The following MAST2 variants were observed in gnomAD, a reference collection of about 807,000 sequenced individuals.
MAST2 encodes the protein microtubule associated serine/threonine kinase 2.
Under a neutral mutation model 147.4 loss-of-function variants are expected in MAST2, and 70 were observed. That is an observed-to-expected ratio of 0.47 (90% CI 0.39 to 0.58). MAST2 has a LOEUF of 0.58. Among genes scored for constraint, MAST2 ranks in the 20% least tolerant of loss-of-function variants. The pLI is 0.00. For synonymous variants in MAST2, 869 were observed against 896.8 expected, an observed-to-expected ratio of 0.97 and a Z score of 0.55; for missense variants, 2,080 against 2,302.3, an observed-to-expected ratio of 0.90 and a Z score of 1.98.
chr1:45,938,256 T>G (rs1002414428), intron 4 of MAST2, among the ~76,000 whole-genome samples: 1 of 152,234 alleles, frequency 6.6e-6, no homozygotes, highest in Non-Finnish European at 1.5e-5. Flanking sequence ...CATGCATATC[T>G]TTGTGTGGAC....
At chr1:46,005,835 A>G (rs577683721) in intron 7 of MAST2, among the ~76,000 whole-genome samples, 1 of 152,282 alleles carries the variant, frequency 6.6e-6, no homozygotes, top group African/African-American at 2.4e-5. Flanking sequence ...ATAGCAGCCA[A>G]AAGGAAACAT....
In MAST2 at chr1:45,968,062, T is replaced by C. The variant is rs996682424; in HGVS notation, c.592+8585T>C. ...CAACATGAACCTCACAGGAAATGCT[T>C]GTTGGAGCCTTTTAGATTTTGGGCT... On this transcript the variant is annotated intron_variant, in intron 5 of 28. Transcript: ENST00000361297. Among the ~76,000 whole-genome samples, 4 of 152,210 alleles carry C rather than the reference T, an allele frequency of 2.6e-5. No homozygotes were observed. In the East Asian group the frequency reaches 7.7e-4, roughly 29 times the overall value.
chr1:45,860,338 C>T (rs1418925508), intron 3 of MAST2, among the ~76,000 whole-genome samples: 2 of 146,630 alleles, frequency 1.4e-5, no homozygotes, highest in Non-Finnish European at 3.0e-5. Flanking sequence ...GAGCCAAGAT[C>T]ATGCCACTGC....
chr1:46,018,782 G>C (rs1340552646), intron 10 of MAST2, among the ~76,000 whole-genome samples: 2 of 152,142 alleles, frequency 1.3e-5, no homozygotes, highest in East Asian at 3.9e-4. Flanking sequence ...CTAGAAACCA[G>C]AGCAGTTCTC....
intron 3 of MAST2, among the ~76,000 whole-genome samples, chr1:45,850,790 A>G (rs927086690): frequency 7.3e-6 from 1 of 136,812 alleles, no homozygotes; most frequent in African/African-American, 2.8e-5. Context: ...TGGGTTCTCT[A>G]TTCTGTTCTA....
At chr1:45,834,600 T>G (rs1306513603) in intron 3 of MAST2, among the ~76,000 whole-genome samples, 1 of 152,186 alleles carries the variant, frequency 6.6e-6, no homozygotes, top group African/African-American at 2.4e-5. Flanking sequence ...TGTTCAAGAT[T>G]AGTTATTATT....
chr1:45,886,875 G>A (rs544810367), intron 4 of MAST2, among the ~76,000 whole-genome samples: 111 of 151,784 alleles, frequency 7.3e-4, no homozygotes, highest in Non-Finnish European at 1.5e-3. Context: ...AGCCTAGGCT[G>A]GAGTGCAGTG....
At position 45,825,439 on chromosome 1, in the gene MAST2, C is replaced by CT. The variant is rs34084411; in HGVS notation, c.325+870dup. 2.1e-3 allele frequency among the ~76,000 whole-genome samples: 309 copies of CT among 145,106 alleles called. 1 individual carries two copies. The Middle Eastern group carries it at 0.038, about 18-fold the overall frequency. On this transcript the variant is annotated intron_variant, in intron 2 of 28. Transcript: ENST00000361297. ...TTTTAAAAGGATGCGATTATCTTCT[C>CT]TTTTTTTTTTTGAGACAGAGTCTCA...
intron 5 of MAST2, among the ~76,000 whole-genome samples, chr1:45,968,028 T>C (rs1407606395): frequency 6.6e-6 from 1 of 152,192 alleles, no homozygotes; most frequent in African/African-American, 2.4e-5. Context: ...TGCAAAACTT[T>C]TTAAGCACCA....
At chr1:45,973,505 A>T (rs1352590494) in intron 5 of MAST2, among the ~76,000 whole-genome samples, 1 of 152,204 alleles carries the variant, frequency 6.6e-6, no homozygotes, top group Non-Finnish European at 1.5e-5. Context: ...TGAATAATTC[A>T]GTATGTTTGT....
chr1:45,815,213 A>G (rs1644416691), intron 1 of MAST2, among the ~76,000 whole-genome samples: 1 of 148,542 alleles, frequency 6.7e-6, no homozygotes, highest in Non-Finnish European at 1.5e-5. Flanking sequence ...ACTGTCTCCC[A>G]GTCTGGAGTG....
intron 5 of MAST2, among the ~76,000 whole-genome samples, chr1:45,982,139 G>A (rs551839148): frequency 3.3e-5 from 5 of 152,228 alleles, no homozygotes; most frequent in Non-Finnish European, 5.9e-5. Flanking sequence ...GTGAGCCACC[G>A]CGCCCGGCTG....
rs10449768 is a variant in MAST2 at position 46,014,950 on chromosome 1, A to C, written c.1188+4011A>C. 6.6e-3 allele frequency among the ~76,000 whole-genome samples: 1,006 copies of C among 152,204 alleles called. 12 individuals carry two copies. Among genetic ancestry groups the C allele is most frequent in the African/African-American group, 0.023 (971 of 41,522 alleles). ...GTAAAGCTCTCCTCAGCAAATGTAA[A>C]AGAACAGAAATTATAACAAACTGTC... On this transcript the variant is annotated intron_variant, in intron 10 of 28. Transcript: ENST00000361297.
intron 5 of MAST2, among the ~76,000 whole-genome samples, chr1:45,988,637 C>T (rs1644741886): frequency 6.6e-6 from 1 of 152,218 alleles, no homozygotes; most frequent in African/African-American, 2.4e-5. Flanking sequence ...TCTACATCCT[C>T]ACTGATCTTC....
At chr1:46,013,562 C>A (rs1332418909) in intron 10 of MAST2, among the ~76,000 whole-genome samples, 1 of 152,046 alleles carries the variant, frequency 6.6e-6, no homozygotes, top group Non-Finnish European at 1.5e-5. Context: ...CGCCTGTAAT[C>A]CCAGCCGCTC....
intron 4 of MAST2, among the ~76,000 whole-genome samples, chr1:45,947,324 A>AC (rs958630745): frequency 6.6e-6 from 1 of 151,900 alleles, no homozygotes; most frequent in African/African-American, 2.4e-5. Context: ...AAAAAAAAAA[A>AC]AAAAAAACCC....
intron 4 of MAST2, among the ~76,000 whole-genome samples, chr1:45,904,527 G>A (rs546468080): frequency 6.0e-4 from 90 of 151,238 alleles, no homozygotes; most frequent in Admixed American, 4.7e-3. Flanking sequence ...GGGTGCATTC[G>A]CGCAATCACA....
chr1:45,860,201 T>C (rs936332194), intron 3 of MAST2, among the ~76,000 whole-genome samples: 1 of 144,128 alleles, frequency 6.9e-6, no homozygotes, highest in Non-Finnish European at 1.5e-5. Context: ...CTACTAAAAA[T>C]ACACACACAC....
chr1:46,030,542 G>C, intron 21 of MAST2, 65 bp from the exon 22 acceptor site: 1 of 1,523,904 alleles, frequency 6.6e-7, no homozygotes. Context: ...TGCCAAGGAT[G>C]CTTTATGCCA....
Sources: gnomAD v4.1 joint callset for allele counts (sites outside exome capture counted in the v4.1 genomes callset) on GRCh38, gnomAD v4.1.1 for gene constraint, MANE v1.5 for transcripts, NCBI Gene and HGNC (gene_info 2026-07-23, HGNC 2026-07-21) for gene names.